The following SLC30A7 variants were observed in gnomAD, a reference collection of about 807,000 sequenced individuals.
SLC30A7 encodes the protein zinc transporter 7.
A neutral mutation model predicts 46.0 loss-of-function variants in SLC30A7; 35 were observed. That is an observed-to-expected ratio of 0.76 (90% CI 0.58 to 1.01). The LOEUF (loss-of-function observed/expected upper bound fraction) is 1.01. Among genes scored for constraint, SLC30A7 ranks in the 50% least tolerant of loss-of-function variants. The pLI is 0.00. For synonymous variants in SLC30A7, 147 were observed against 157.8 expected (o/e 0.93, Z 0.51); for missense variants, 464 against 451.1 (o/e 1.03, Z -0.26).
chr1:100,968,859 C>T (rs1423523270), intron 10 of SLC30A7, among the ~76,000 whole-genome samples: 1 of 152,164 alleles, frequency 6.6e-6, no homozygotes, highest in African/African-American at 2.4e-5. Flanking sequence ...GTTATATAAA[C>T]AGATTTTAAA....
At chr1:100,935,131 A>C (rs1316440546) in intron 8 of SLC30A7, among the ~76,000 whole-genome samples, 1 of 152,222 alleles carries the variant, frequency 6.6e-6, no homozygotes, top group Non-Finnish European at 1.5e-5. Context: ...TTATTTTTAG[A>C]AATACCCTCT....
At chr1:100,965,971 G>GTA in intron 10 of SLC30A7, 53 bp downstream of exon 10, 1 of 1,489,008 alleles carries the variant, frequency 6.7e-7, no homozygotes, top group Non-Finnish European at 9.1e-7. Flanking sequence ...TTTATAACTA[G>GTA]TAGTTTTAAA....
chr1:100,915,447 CA>C (rs1385231279), intron 6 of SLC30A7, among the ~76,000 whole-genome samples: 1 of 152,016 alleles, frequency 6.6e-6, no homozygotes, highest in African/African-American at 2.4e-5. Context: ...CAACTTCCTC[CA>C]ACCACTGGCA....
At chr1:100,910,566 T>G (rs1382871226) in intron 3 of SLC30A7, among the ~76,000 whole-genome samples, 1 of 152,156 alleles carries the variant, frequency 6.6e-6, no homozygotes, top group Non-Finnish European at 1.5e-5. Context: ...AATAATTTTA[T>G]TTTCCTTCAG....
chr1:100,915,791 T>C (rs1210694033), intron 6 of SLC30A7, among the ~76,000 whole-genome samples: 2 of 152,220 alleles, frequency 1.3e-5, no homozygotes, highest in Non-Finnish European at 2.9e-5. Flanking sequence ...CATGGATATA[T>C]ACCCAGTTTG....
chr1:100,979,330 A>G lies in SLC30A7; in HGVS notation c.*4473A>G, dbSNP rs1301760769. 6.6e-6 allele frequency: 1 copy of G among 150,606 alleles called. No homozygotes were observed. Among genetic ancestry groups the G allele is most frequent in the Non-Finnish European group, 1.5e-5 (1 of 67,746 alleles). 9.3% of individuals were successfully genotyped at this position (150,606 alleles called of 1,614,324 possible). ...GGAAATTATATGTTTTTCTTTGGAC[A>G]TTCATTGGAAGGCTTGTTGAAGACA... On this transcript the variant is annotated 3_prime_UTR_variant, in exon 11 of 11. Coordinates refer to ENST00000357650, the MANE Select transcript of SLC30A7 (RefSeq NM_133496.5).
chr1:100,896,110 G>A lies in SLC30A7; in HGVS notation c.-153G>A, dbSNP rs1412286196. ...GGGCCGGAAGTAAGCGAATTCCCGG[G>A]TGTGTGTCTGTGTCTGTCTGTGTCT... On this transcript the variant is annotated 5_prime_UTR_variant, in exon 1 of 11. The change creates a new upstream start codon in the 5' untranslated region. Coordinates refer to ENST00000357650, the MANE Select transcript of SLC30A7 (RefSeq NM_133496.5). 5 of 669,412 alleles carry A rather than the reference G, an allele frequency of 7.5e-6. No individual in the cohort carries two copies. Among genetic ancestry groups the A allele is most frequent in the African/African-American group, 3.5e-5 (2 of 56,438 alleles). 41.5% of individuals were successfully genotyped at this position (669,412 alleles called of 1,614,324 possible). A position where few individuals can be genotyped will look rare whatever the true frequency, so the allele number is the denominator to read the frequency against.
At chr1:100,974,714 A>G in intron 10 of SLC30A7, 96 bp from the exon 11 acceptor site, 1 of 856,324 alleles carries the variant, frequency 1.2e-6, no homozygotes, top group South Asian at 2.8e-5. Context: ...TTTTTAAAAA[A>G]GTGAGATTTG....
At chr1:100,995,085 A>G in the SLC30A7 span, 2 of 1,517,400 alleles carry the variant, frequency 1.3e-6, no homozygotes, top group Non-Finnish European at 1.8e-6. Flanking sequence ...AAACACATGT[A>G]TGCATTCTCA....
At chr1:100,970,914 T>TA (rs1656127623) in intron 10 of SLC30A7, among the ~76,000 whole-genome samples, 1 of 152,138 alleles carries the variant, frequency 6.6e-6, no homozygotes, top group Admixed American at 6.6e-5. Context: ...TGGGGTTTAT[T>TA]ACCATTATCA....
intron 8 of SLC30A7, among the ~76,000 whole-genome samples, chr1:100,923,432 A>G (rs1653083701): frequency 6.6e-6 from 1 of 152,162 alleles, no homozygotes; most frequent in Non-Finnish European, 1.5e-5. Flanking sequence ...CATACAGATT[A>G]TTTTTTAATT....
chr1:100,911,916 A>C (rs1652124826), intron 4 of SLC30A7, among the ~76,000 whole-genome samples, 196 bp from the exon 5 acceptor site: 1 of 152,100 alleles, frequency 6.6e-6, no homozygotes, highest in Non-Finnish European at 1.5e-5. Flanking sequence ...ATTTGTATTT[A>C]TTTTAAAATA....
intron 9 of SLC30A7, among the ~76,000 whole-genome samples, chr1:100,962,879 C>A (rs898387055): frequency 6.6e-6 from 1 of 152,132 alleles, no homozygotes; most frequent in Non-Finnish European, 1.5e-5. Context: ...AAATATTCTT[C>A]TTCACATTTG....
chr1:100,956,095 GA>G (rs1655204962), intron 8 of SLC30A7, among the ~76,000 whole-genome samples: 1 of 151,778 alleles, frequency 6.6e-6, no homozygotes, highest in African/African-American at 2.4e-5. Flanking sequence ...TGATCCTAAT[GA>G]AAAAAAGAGA....
At chr1:100,953,799 G>A (rs1655078042) in intron 8 of SLC30A7, among the ~76,000 whole-genome samples, 1 of 152,118 alleles carries the variant, frequency 6.6e-6, no homozygotes, top group South Asian at 2.1e-4. Context: ...TATATTGCTG[G>A]TGTGATTTTA....
chr1:100,922,230 C>A (rs901663104), intron 8 of SLC30A7, among the ~76,000 whole-genome samples: 1 of 151,916 alleles, frequency 6.6e-6, no homozygotes, highest in Non-Finnish European at 1.5e-5. Flanking sequence ...CCTCTGAAAG[C>A]GCTGGGATTA....
At position 100,974,962 on chromosome 1, in the gene SLC30A7, A is replaced by C; in HGVS notation, c.*105A>C. ...TTAAAAGAGAGAAATTATCACTACA[A>C]CTCCCGAGCACTAAGTAGACGGGGT... On this transcript the variant is annotated 3_prime_UTR_variant, in exon 11 of 11. Coordinates refer to ENST00000357650, the MANE Select transcript of SLC30A7 (RefSeq NM_133496.5). 1 of 851,636 alleles carries C rather than the reference A, an allele frequency of 1.2e-6. No homozygotes were observed. The highest frequency in any genetic ancestry group is 1.8e-6 in the Non-Finnish European group (1 of 550,702). The allele number at this position is 851,636 out of a possible 1,614,324, so 52.8% of individuals were successfully genotyped here. A position where few individuals can be genotyped will look rare whatever the true frequency, so the allele number is the denominator to read the frequency against.
At chr1:100,925,181 C>T (rs1653214956) in intron 8 of SLC30A7, among the ~76,000 whole-genome samples, 1 of 152,332 alleles carries the variant, frequency 6.6e-6, no homozygotes, top group African/African-American at 2.4e-5. Context: ...GAAGAACATT[C>T]TAGTCTAGGT....
At chr1:100,899,632 G>A (rs910335736) in intron 2 of SLC30A7, among the ~76,000 whole-genome samples, 1 of 152,072 alleles carries the variant, frequency 6.6e-6, no homozygotes, top group African/African-American at 2.4e-5. Context: ...GCAGTGAGCC[G>A]AGATTGAGCC....
Sources: allele counts gnomAD v4.1 joint callset (sites outside exome capture counted in the v4.1 genomes callset), GRCh38; gene constraint gnomAD v4.1.1; transcripts MANE v1.5; gene names NCBI Gene and HGNC (gene_info 2026-07-23, HGNC 2026-07-21).